Variants in MTUS2 observed in about 807,000 individuals in gnomAD.
The protein encoded by MTUS2 is microtubule associated scaffold protein 2, also known as microtubule-associated tumor suppressor candidate 2.
In MTUS2, 40 loss-of-function variants were observed where a neutral mutation model predicts 114.1. That is an observed-to-expected ratio of 0.35 (90% CI 0.27 to 0.46). MTUS2 has a LOEUF of 0.46. Among genes scored for constraint, MTUS2 ranks in the 20% least tolerant of loss-of-function variants. The probability of loss-of-function intolerance (pLI) is 1.00; values close to 1 mark genes in which losing one functional copy is unlikely to be tolerated. For missense variants in MTUS2, 1,679 were observed against 1,705.4 expected, an observed-to-expected ratio of 0.98 and a Z score of 0.27; for synonymous variants, 688 against 672.0, an observed-to-expected ratio of 1.02 and a Z score of -0.37.
chr13:28,997,871 G>A (rs908771302), intron 2 of MTUS2, among the ~76,000 whole-genome samples: 2 of 152,118 alleles, frequency 1.3e-5, no homozygotes, highest in Admixed American at 1.3e-4. Context: ...CTTTTAATTG[G>A]AGCATTTTGC....
At chr13:29,018,144 G>A (rs1886143633) in intron 2 of MTUS2, among the ~76,000 whole-genome samples, 1 of 152,196 alleles carries the variant, frequency 6.6e-6, no homozygotes, top group Non-Finnish European at 1.5e-5. Flanking sequence ...CTTAGAGTCT[G>A]CAGCTCTTGG....
intron 5 of MTUS2, among the ~76,000 whole-genome samples, chr13:29,271,025 GA>G (rs1897863402): frequency 1.3e-5 from 2 of 152,190 alleles, no homozygotes; most frequent in Non-Finnish European, 2.9e-5. Flanking sequence ...AGTAAAATTA[GA>G]AATTTAAAGT....
At chr13:28,924,683 G>A (rs139566992) in intron 2 of MTUS2, among the ~76,000 whole-genome samples, 31 of 152,300 alleles carry the variant, frequency 2.0e-4, no homozygotes, top group Admixed American at 1.6e-3. Flanking sequence ...CGCTTGTCCC[G>A]GCTGATGGGG....
intron 6 of MTUS2, among the ~76,000 whole-genome samples, chr13:29,309,642 A>G (rs896060541): frequency 6.7e-6 from 1 of 149,384 alleles, no homozygotes; most frequent in African/African-American, 2.5e-5. Flanking sequence ...TTAGATTTCA[A>G]CATGTGAATT....
At chr13:29,144,484 C>T (rs1892351041) in intron 5 of MTUS2, among the ~76,000 whole-genome samples, 2 of 152,086 alleles carry the variant, frequency 1.3e-5, no homozygotes, top group Non-Finnish European at 2.9e-5. Context: ...CCACCTCAGC[C>T]TTCCAGTTTG....
At chr13:28,972,255 C>A (rs1035474714) in intron 2 of MTUS2, among the ~76,000 whole-genome samples, 1 of 152,224 alleles carries the variant, frequency 6.6e-6, no homozygotes, top group Non-Finnish European at 1.5e-5. Flanking sequence ...GGCATCACAG[C>A]AGTCACAGGT....
intron 2 of MTUS2, among the ~76,000 whole-genome samples, chr13:28,895,283 T>G (rs946429622): frequency 6.6e-6 from 1 of 152,214 alleles, no homozygotes; most frequent in African/African-American, 2.4e-5. Context: ...CTAAGCATTT[T>G]ATTGTACTAG....
chr13:28,977,751 C>T (rs1251213240), intron 2 of MTUS2, among the ~76,000 whole-genome samples: 6 of 152,282 alleles, frequency 3.9e-5, no homozygotes, highest in Admixed American at 2.0e-4. Context: ...AAAGCCAGCA[C>T]TCTACTAATT....
At chr13:29,259,350 GAA>G (rs1897387470) in intron 5 of MTUS2, among the ~76,000 whole-genome samples, 1 of 152,126 alleles carries the variant, frequency 6.6e-6, no homozygotes, top group South Asian at 2.1e-4. Context: ...TGAAGAGAGA[GAA>G]GAGTGTGTAG....
At chr13:28,836,911 G>A (rs1875124808) in intron 1 of MTUS2, among the ~76,000 whole-genome samples, 1 of 152,134 alleles carries the variant, frequency 6.6e-6, no homozygotes, top group Non-Finnish European at 1.5e-5. Flanking sequence ...TGATGAGGTG[G>A]GATTTGATCT....
intron 5 of MTUS2, among the ~76,000 whole-genome samples, chr13:29,246,583 A>G (rs1184999996): frequency 6.6e-6 from 1 of 152,196 alleles, no homozygotes; most frequent in Non-Finnish European, 1.5e-5. Context: ...CTCAAACAGC[A>G]CCTTGCTATG....
At chr13:29,433,107 C>G (rs1191780660) in intron 8 of MTUS2, among the ~76,000 whole-genome samples, 1 of 152,192 alleles carries the variant, frequency 6.6e-6, no homozygotes, top group Non-Finnish European at 1.5e-5. Context: ...CATTTCTTCT[C>G]CTTGGCCCCA....
chr13:29,083,028 G>T (rs558072815), intron 4 of MTUS2, among the ~76,000 whole-genome samples: 4 of 152,196 alleles, frequency 2.6e-5, no homozygotes, highest in African/African-American at 9.6e-5. Flanking sequence ...ATTTACAAAG[G>T]AAGGATATTT....
chr13:29,430,919 G>C (rs1593436202), intron 8 of MTUS2, among the ~76,000 whole-genome samples: 1 of 152,158 alleles, frequency 6.6e-6, no homozygotes, highest in Non-Finnish European at 1.5e-5. Flanking sequence ...CAGTTTAAAA[G>C]AGGCCTGGTA....
intron 5 of MTUS2, among the ~76,000 whole-genome samples, chr13:29,224,344 A>T (rs1171008682): frequency 6.6e-6 from 1 of 151,990 alleles, no homozygotes; most frequent in Non-Finnish European, 1.5e-5. Flanking sequence ...TTTTCCAGCT[A>T]TTATCCCTTC....
At chr13:28,951,577 T>C (rs985176628) in intron 2 of MTUS2, among the ~76,000 whole-genome samples, 4 of 152,130 alleles carry the variant, frequency 2.6e-5, no homozygotes, top group Non-Finnish European at 4.4e-5. Flanking sequence ...AGTGGGTAGA[T>C]TACTTGAGGC....
chr13:29,434,449 C>T (rs914311564), intron 8 of MTUS2, among the ~76,000 whole-genome samples: 12 of 152,162 alleles, frequency 7.9e-5, no homozygotes, highest in Non-Finnish European at 1.0e-4. Context: ...ACTCTCTGGA[C>T]GTCAAGCTTC....
At chr13:28,963,051 A>C (rs1224602437) in intron 2 of MTUS2, among the ~76,000 whole-genome samples, 1 of 152,048 alleles carries the variant, frequency 6.6e-6, no homozygotes, top group African/African-American at 2.4e-5. Flanking sequence ...CATTCTTTTA[A>C]TTGAAATAGA....
intron 5 of MTUS2, among the ~76,000 whole-genome samples, chr13:29,211,450 A>G (rs1347187155): frequency 3.3e-5 from 5 of 152,374 alleles, no homozygotes; most frequent in Admixed American, 1.3e-4. Context: ...GTACTCCCAG[A>G]TCACCTCCTC....
Sources: allele counts gnomAD v4.1 joint callset (sites outside exome capture counted in the v4.1 genomes callset), GRCh38; gene constraint gnomAD v4.1.1; transcripts MANE v1.5; gene names NCBI Gene and HGNC (gene_info 2026-07-23, HGNC 2026-07-21).